BST1: variants seen among roughly 807,000 people sequenced by gnomAD.
BST1 encodes bone marrow stromal cell antigen 1.
BST1 carries 49 observed loss-of-function variants against 40.6 expected under a neutral mutation model. The observed-to-expected ratio is 1.21, with a 90% CI of 0.96 to 1.53. BST1 has a LOEUF of 1.53. BST1 is among the 40% of genes most tolerant of loss of function. The pLI is 0.00. For missense variants in BST1, 423 were observed against 395.9 expected (o/e 1.07, Z -0.58); for synonymous variants, 157 against 159.3 (o/e 0.99, Z 0.11).
chr4:15,711,295 T>G (rs1341712092), intron 3 of BST1, among the ~76,000 whole-genome samples: 1 of 152,216 alleles, frequency 6.6e-6, no homozygotes, highest in Non-Finnish European at 1.5e-5. Context: ...CATTGTAAAA[T>G]GTAATACATT....
intron 7 of BST1, 94 bp from the exon 8 acceptor site, chr4:15,722,781 C>A (rs1333644831): frequency 2.0e-6 from 2 of 1,018,882 alleles, no homozygotes; most frequent in Non-Finnish European, 3.0e-6. Flanking sequence ...AGGTCAGAGA[C>A]TACTGTATCT....
At chr4:15,715,039 G>A (rs1560281018) in intron 4 of BST1, among the ~76,000 whole-genome samples, 1 of 152,168 alleles carries the variant, frequency 6.6e-6, no homozygotes, top group Non-Finnish European at 1.5e-5. Context: ...AAGATACTGT[G>A]TATTTTCTAT....
At chr4:15,722,723 G>C (rs1050142520) in intron 7 of BST1, 152 bp from the exon 8 acceptor site, 1 of 629,070 alleles carries the variant, frequency 1.6e-6, no homozygotes, top group East Asian at 2.9e-5. Context: ...GTAAGCCACC[G>C]TGCTGGGCCA....
At chr4:15,734,880 G>A (rs1470106943), downstream of BST1, among the ~76,000 whole-genome samples, 2 of 152,222 alleles carry the variant, frequency 1.3e-5, no homozygotes, top group Non-Finnish European at 2.9e-5. Flanking sequence ...CGGGAACCAG[G>A]CCACGCTCAG....
downstream of BST1, chr4:15,736,215 C>T (rs1721557315): frequency 9.8e-7 from 1 of 1,021,960 alleles, no homozygotes; most frequent in African/African-American, 1.7e-5. Flanking sequence ...CTAACTTCCA[C>T]AATGCTGCCA....
the BST1 span, among the ~76,000 whole-genome samples, chr4:15,766,824 A>C: frequency 1.3e-5 from 2 of 151,556 alleles, no homozygotes; most frequent in Non-Finnish European, 2.9e-5. Context: ...TCCCTAAAAA[A>C]AAAACAGGTT....
the BST1 span, among the ~76,000 whole-genome samples, chr4:15,753,796 A>C: frequency 3.5e-4 from 53 of 152,370 alleles, no homozygotes; most frequent in East Asian, 5.6e-3. Flanking sequence ...GACTATCTGC[A>C]AACCATTGAT....
chr4:15,754,700 C>T, the BST1 span, among the ~76,000 whole-genome samples: 2 of 152,140 alleles, frequency 1.3e-5, no homozygotes, highest in East Asian at 1.9e-4. Flanking sequence ...AATTTAAGTA[C>T]GTAGATTTGT....
At chr4:15,739,559 G>GTGTGTC (rs1413108334), downstream of BST1, among the ~76,000 whole-genome samples, 3 of 81,734 alleles carry the variant, frequency 3.7e-5, no homozygotes, top group Non-Finnish European at 8.4e-5. Context: ...CAAACCGTGT[G>GTGTGTC]TGTGTGTGTG....
chr4:15,751,085 G>T, the BST1 span, among the ~76,000 whole-genome samples: 1 of 152,218 alleles, frequency 6.6e-6, no homozygotes, highest in Non-Finnish European at 1.5e-5. Context: ...CATGAATCAG[G>T]TGTAACAGAG....
downstream of BST1, among the ~76,000 whole-genome samples, chr4:15,739,819 G>A (rs1227152446): frequency 6.6e-6 from 1 of 152,046 alleles, no homozygotes; most frequent in Non-Finnish European, 1.5e-5. Context: ...TGAAGTCATT[G>A]TTCACCATTG....
At chr4:15,764,493 T>C in the BST1 span, among the ~76,000 whole-genome samples, 1 of 152,002 alleles carries the variant, frequency 6.6e-6, no homozygotes, top group Non-Finnish European at 1.5e-5. Context: ...AACATCTTAT[T>C]AGAAAATCTT....
chr4:15,741,955 C>T (rs548801956), downstream of BST1, among the ~76,000 whole-genome samples: 6 of 152,266 alleles, frequency 3.9e-5, no homozygotes, highest in South Asian at 1.0e-3. Flanking sequence ...CATAACGCCC[C>T]GGTCTCTGTT....
At chr4:15,764,813 A>T in the BST1 span, among the ~76,000 whole-genome samples, 1 of 151,748 alleles carries the variant, frequency 6.6e-6, no homozygotes, top group Non-Finnish European at 1.5e-5. Flanking sequence ...TGATTGGCTC[A>T]TAAATGGGCT....
At chr4:15,762,206 AAAAAAAAAAAAT>A in the BST1 span, among the ~76,000 whole-genome samples, 4 of 150,184 alleles carry the variant, frequency 2.7e-5, no homozygotes, top group African/African-American at 9.9e-5. Flanking sequence ...AAAAAAAAAA[AAAAAAAAAAAAT>A]AGAAAGAACT....
intron 3 of BST1, among the ~76,000 whole-genome samples, chr4:15,709,945 TTTTA>T (rs1050776160): frequency 5.3e-5 from 8 of 151,854 alleles, no homozygotes; most frequent in East Asian, 1.9e-4. Flanking sequence ...CTCTTTTTTA[TTTTA>T]TTTATTTATT....
At chr4:15,715,236 G>C in intron 4 of BST1, 49 bp from the exon 5 acceptor site, 1 of 1,552,426 alleles carries the variant, frequency 6.4e-7, no homozygotes, top group South Asian at 1.1e-5. Flanking sequence ...TTTCATAGCA[G>C]AAAAATGTCA....
At chr4:15,737,875 A>G (rs997250) in exon 7 of BST1, 233,716 of 1,192,284 alleles carry the variant, frequency 0.2, 24,628 homozygotes, top group African/African-American at 0.31. Context: ...AAGGAAGCCG[A>G]AATCTCCAGA....
chr4:15,722,631 C>T (rs1577586803), intron 7 of BST1, among the ~76,000 whole-genome samples: 2 of 143,994 alleles, frequency 1.4e-5, no homozygotes, highest in East Asian at 4.0e-4. Flanking sequence ...CAAGGTCTCG[C>T]TATGTTGCCC....
Sources: allele counts gnomAD v4.1 joint callset (sites outside exome capture counted in the v4.1 genomes callset), GRCh38; gene constraint gnomAD v4.1.1; transcripts MANE v1.5; gene names NCBI Gene and HGNC (gene_info 2026-07-23, HGNC 2026-07-21).